LRRTM4: variants seen among roughly 807,000 people sequenced by gnomAD.
The protein encoded by LRRTM4 is leucine-rich repeat transmembrane neuronal protein 4.
A neutral mutation model predicts 47.6 loss-of-function variants in LRRTM4; 25 were observed. The ratio of observed to expected loss-of-function variants is 0.53; its 90% confidence interval spans 0.38 to 0.73. LRRTM4 has a LOEUF of 0.73. LRRTM4 is among the 30% of genes least tolerant of loss of function. The probability of loss-of-function intolerance (pLI) is 0.00; values close to 1 mark genes in which losing one functional copy is unlikely to be tolerated. For synonymous variants in LRRTM4, 311 were observed against 269.5 expected (o/e 1.15, Z -1.51); for missense variants, 638 against 713.4 (o/e 0.89, Z 1.20).
intron 3 of LRRTM4, among the ~76,000 whole-genome samples, chr2:76,919,214 C>T (rs779160002): frequency 7.2e-5 from 11 of 152,110 alleles, no homozygotes; most frequent in South Asian, 2.1e-4. Flanking sequence ...CAATCATATA[C>T]GCACCTAACA....
intron 3 of LRRTM4, among the ~76,000 whole-genome samples, chr2:76,919,938 C>A (rs768775526): frequency 6.6e-6 from 1 of 152,072 alleles, no homozygotes; most frequent in African/African-American, 2.4e-5. Context: ...TTTTAACAAT[C>A]GGAAGACATT....
intron 3 of LRRTM4, among the ~76,000 whole-genome samples, chr2:77,321,221 C>T (rs983420101): frequency 3.9e-5 from 6 of 152,056 alleles, no homozygotes; most frequent in Non-Finnish European, 7.4e-5. Flanking sequence ...CTCTTGCATG[C>T]TGACAGAGAT....
intron 3 of LRRTM4, among the ~76,000 whole-genome samples, chr2:76,911,824 G>A (rs1674066932): frequency 6.6e-6 from 1 of 151,264 alleles, no homozygotes; most frequent in South Asian, 2.1e-4. Flanking sequence ...ATTTGTGTGT[G>A]TGCCTGTGTG....
chr2:77,212,101 T>G (rs1171069206), intron 3 of LRRTM4, among the ~76,000 whole-genome samples: 1 of 152,104 alleles, frequency 6.6e-6, no homozygotes, highest in African/African-American at 2.4e-5. Context: ...GCATGGGATG[T>G]GGGAGACTAC....
chr2:77,086,905 G>C (rs947771025), intron 3 of LRRTM4, among the ~76,000 whole-genome samples: 2 of 124,766 alleles, frequency 1.6e-5, no homozygotes, highest in Non-Finnish European at 3.1e-5. Context: ...TGGCAGTAAT[G>C]TTATCTAAAT....
intron 3 of LRRTM4, among the ~76,000 whole-genome samples, chr2:77,089,686 A>G (rs1680864282): frequency 6.6e-6 from 1 of 151,522 alleles, no homozygotes; most frequent in Admixed American, 6.6e-5. Flanking sequence ...CTGTGTTCTC[A>G]AAAACTTAAA....
At chr2:77,273,786 T>C (rs1431182562) in intron 3 of LRRTM4, among the ~76,000 whole-genome samples, 4 of 152,166 alleles carry the variant, frequency 2.6e-5, no homozygotes. Flanking sequence ...CAGACACAAC[T>C]AGTAAGATTC....
intron 3 of LRRTM4, among the ~76,000 whole-genome samples, chr2:77,140,063 A>T (rs1359956033): frequency 6.6e-6 from 1 of 152,208 alleles, no homozygotes; most frequent in Non-Finnish European, 1.5e-5. Flanking sequence ...GGTAATTTAT[A>T]GATTCAATGC....
chr2:77,200,629 G>A (rs1673947134), intron 3 of LRRTM4, among the ~76,000 whole-genome samples: 1 of 152,052 alleles, frequency 6.6e-6, no homozygotes, highest in Admixed American at 6.6e-5. Flanking sequence ...GGGTAAAAAT[G>A]TTCAGTAAAA....
At chr2:76,855,446 T>C (rs1426011943) in intron 3 of LRRTM4, among the ~76,000 whole-genome samples, 1 of 152,228 alleles carries the variant, frequency 6.6e-6, no homozygotes, top group Admixed American at 6.5e-5. Context: ...TGATAAATAA[T>C]AGATTCATAT....
At chr2:77,464,736 G>T (rs1241473811) in intron 3 of LRRTM4, among the ~76,000 whole-genome samples, 1 of 152,018 alleles carries the variant, frequency 6.6e-6, no homozygotes, top group African/African-American at 2.4e-5. Context: ...TGATAGGATT[G>T]CCTCTGAAAA....
intron 3 of LRRTM4, among the ~76,000 whole-genome samples, chr2:77,303,608 A>G (rs1219677540): frequency 1.3e-5 from 2 of 152,186 alleles, no homozygotes; most frequent in African/African-American, 4.8e-5. Context: ...CACATGGTAT[A>G]CATTTAATAA....
intron 3 of LRRTM4, among the ~76,000 whole-genome samples, chr2:77,450,167 C>T (rs1676202581): frequency 6.6e-6 from 1 of 151,932 alleles, no homozygotes; most frequent in African/African-American, 2.4e-5. Context: ...TATATGACAC[C>T]TGATACTACC....
At chr2:77,031,921 C>CA (rs1333821548) in intron 3 of LRRTM4, among the ~76,000 whole-genome samples, 2 of 152,110 alleles carry the variant, frequency 1.3e-5, no homozygotes, top group African/African-American at 2.4e-5. Flanking sequence ...TCAAATCTTT[C>CA]AGGCCCCTAA....
intron 3 of LRRTM4, among the ~76,000 whole-genome samples, chr2:77,093,110 ATC>A (rs1670701668): frequency 1.4e-5 from 2 of 145,950 alleles, no homozygotes; most frequent in South Asian, 4.3e-4. Flanking sequence ...CATCCCCACT[ATC>A]TTCTGTCTAG....
At chr2:77,494,861 C>T (rs1678302399) in intron 3 of LRRTM4, among the ~76,000 whole-genome samples, 1 of 151,960 alleles carries the variant, frequency 6.6e-6, no homozygotes, top group Non-Finnish European at 1.5e-5. Context: ...ACTTTGCAAT[C>T]CCTAGAATTT....
In LRRTM4 at chr2:77,022,866, C is replaced by T. The variant is rs75919381; in HGVS notation, c.1552-273950G>A. On this transcript the variant is annotated intron_variant, in intron 3 of 3. Transcript: ENST00000409884. ...GCGTTGTAAGCTGTAGTTGGATCTA[C>T]GATTCTGGGGTCTGGAGGATGGTGG... Among the ~76,000 whole-genome samples the T allele has an allele frequency of 7.9e-5, 12 of 152,228 alleles. No individual in the cohort carries two copies. The East Asian group carries it at 1.2e-3, about 15-fold the overall frequency.
chr2:77,478,400 C>T (rs577702256), intron 3 of LRRTM4, among the ~76,000 whole-genome samples: 1 of 152,260 alleles, frequency 6.6e-6, no homozygotes, highest in Non-Finnish European at 1.5e-5. Context: ...CAACTTCTTA[C>T]TCTTCATTCT....
chr2:76,798,563 A>T (rs377276677), intron 3 of LRRTM4, among the ~76,000 whole-genome samples: 3,853 of 150,490 alleles, frequency 0.026, 144 homozygotes, highest in East Asian at 0.079. Flanking sequence ...GAGCAAACAC[A>T]TTCAAAAGCT....
Sources: gnomAD v4.1 joint callset for allele counts (sites outside exome capture counted in the v4.1 genomes callset) on GRCh38, gnomAD v4.1.1 for gene constraint, MANE v1.5 for transcripts, NCBI Gene and HGNC (gene_info 2026-07-23, HGNC 2026-07-21) for gene names.